The following CADM2 variants were observed in gnomAD, a reference collection of about 807,000 sequenced individuals.
CADM2 encodes cell adhesion molecule 2.
A neutral mutation model predicts 49.8 loss-of-function variants in CADM2; 12 were observed. The ratio of observed to expected loss-of-function variants is 0.24; its 90% CI spans 0.15 to 0.39. CADM2 has a LOEUF of 0.39. Ranked by LOEUF, CADM2 falls within the 10% of genes least tolerant of loss-of-function variation. CADM2 has a pLI of 1.00. For synonymous variants in CADM2, 214 were observed against 175.4 expected, an observed-to-expected ratio of 1.22 and a Z score of -1.74; for missense variants, 378 against 492.3, an observed-to-expected ratio of 0.77 and a Z score of 2.20.
At chr3:85,754,410 C>T (rs1025373133) in intron 2 of CADM2, among the ~76,000 whole-genome samples, 1 of 152,158 alleles carries the variant, frequency 6.6e-6, no homozygotes, top group Non-Finnish European at 1.5e-5. Context: ...TAGCTACCTA[C>T]TCTAACACTC....
intron 1 of CADM2, among the ~76,000 whole-genome samples, chr3:85,404,125 T>G (rs1317659501): frequency 6.6e-6 from 1 of 152,146 alleles, no homozygotes; most frequent in African/African-American, 2.4e-5. Flanking sequence ...TAGTTTTAAA[T>G]TATTTTATTT....
At chr3:85,679,559 T>C (rs762539628) in intron 1 of CADM2, among the ~76,000 whole-genome samples, 1 of 152,204 alleles carries the variant, frequency 6.6e-6, no homozygotes, top group Non-Finnish European at 1.5e-5. Context: ...TAACTTGACT[T>C]GTGCATTTTT....
chr3:85,032,853 G>T (rs551916486), intron 1 of CADM2, among the ~76,000 whole-genome samples: 7 of 152,076 alleles, frequency 4.6e-5, no homozygotes, highest in Non-Finnish European at 7.4e-5. Context: ...CTTCCTTCCT[G>T]CCAATTTAAT....
At chr3:85,381,845 C>G (rs1383232205) in intron 1 of CADM2, among the ~76,000 whole-genome samples, 2 of 151,988 alleles carry the variant, frequency 1.3e-5, no homozygotes, top group Admixed American at 6.6e-5. Flanking sequence ...TTGTCCTGCA[C>G]TCTAGAACTT....
At chr3:85,305,313 G>A (rs1192532728) in intron 1 of CADM2, among the ~76,000 whole-genome samples, 1 of 151,356 alleles carries the variant, frequency 6.6e-6, no homozygotes, top group African/African-American at 2.4e-5. Flanking sequence ...ATTTTTAACT[G>A]GAAGGGAAAA....
chr3:85,872,977 C>T (rs541447207), intron 3 of CADM2, among the ~76,000 whole-genome samples: 4 of 152,076 alleles, frequency 2.6e-5, no homozygotes, highest in Non-Finnish European at 5.9e-5. Context: ...AATTTACAAA[C>T]ACTAGAAATT....
At chr3:85,564,455 A>G (rs1299316142) in intron 1 of CADM2, among the ~76,000 whole-genome samples, 1 of 152,130 alleles carries the variant, frequency 6.6e-6, no homozygotes, top group African/African-American at 2.4e-5. Flanking sequence ...TGAACAACAT[A>G]GCTAACATCC....
intron 1 of CADM2, among the ~76,000 whole-genome samples, chr3:85,515,405 TTTTG>T (rs199690179): frequency 0.017 from 2,241 of 133,238 alleles, 66 homozygotes; most frequent in African/African-American, 0.055. Flanking sequence ...TTCTCTTTTC[TTTTG>T]TTTGTTTGTT....
intron 1 of CADM2, among the ~76,000 whole-genome samples, chr3:85,619,836 A>T (rs977590737): frequency 6.6e-6 from 1 of 152,208 alleles, no homozygotes. Flanking sequence ...GCCAGTGCAT[A>T]ACTTAAAATC....
At chr3:85,274,272 A>G (rs2043308524) in intron 1 of CADM2, among the ~76,000 whole-genome samples, 1 of 151,398 alleles carries the variant, frequency 6.6e-6, no homozygotes, top group Admixed American at 6.6e-5. Context: ...CAGGAGACGC[A>G]TATAAGAAAC....
chr3:85,918,812 C>G (rs1449435070), intron 6 of CADM2, among the ~76,000 whole-genome samples: 1 of 152,016 alleles, frequency 6.6e-6, no homozygotes, highest in East Asian at 1.9e-4. Context: ...TTTGTCCTCC[C>G]ATTTTTGCAC....
At chr3:85,018,019 T>C (rs1443683027) in intron 1 of CADM2, among the ~76,000 whole-genome samples, 6 of 152,142 alleles carry the variant, frequency 3.9e-5, no homozygotes, top group Admixed American at 3.9e-4. Flanking sequence ...TGTCAGAATC[T>C]CTATCAGTTT....
intron 1 of CADM2, among the ~76,000 whole-genome samples, chr3:85,260,988 G>C (rs1403203496): frequency 6.6e-6 from 1 of 151,942 alleles, no homozygotes; most frequent in Non-Finnish European, 1.5e-5. Context: ...GGAAAGAATA[G>C]TTGTGATTTT....
chr3:85,434,822 T>C (rs2036851091), intron 1 of CADM2, among the ~76,000 whole-genome samples: 1 of 152,086 alleles, frequency 6.6e-6, no homozygotes, highest in Non-Finnish European at 1.5e-5. Flanking sequence ...CTCAGGTTAA[T>C]GTGACCCGTT....
At chr3:85,632,895 T>A (rs1029226523) in intron 1 of CADM2, among the ~76,000 whole-genome samples, 1 of 152,108 alleles carries the variant, frequency 6.6e-6, no homozygotes, top group Non-Finnish European at 1.5e-5. Context: ...ATAGAATAGA[T>A]TTTATTCTAT....
chr3:85,045,409 C>T, intron 1 of CADM2, among the ~76,000 whole-genome samples: 1 of 152,058 alleles, frequency 6.6e-6, no homozygotes, highest in East Asian at 1.9e-4. Context: ...ACATTTTCTT[C>T]TTTGTGCTCA....
At chr3:85,496,457 C>G (rs932217034) in intron 1 of CADM2, among the ~76,000 whole-genome samples, 1 of 152,150 alleles carries the variant, frequency 6.6e-6, no homozygotes, top group Non-Finnish European at 1.5e-5. Context: ...TGCGACCTCA[C>G]TTTATTCCAT....
intron 6 of CADM2, among the ~76,000 whole-genome samples, chr3:85,926,919 T>G (rs1719953471): frequency 6.6e-6 from 1 of 152,154 alleles, no homozygotes; most frequent in African/African-American, 2.4e-5. Flanking sequence ...CAATTGCTAG[T>G]GTAGTCTAAA....
intron 1 of CADM2, among the ~76,000 whole-genome samples, chr3:85,724,697 A>C (rs187566802): frequency 6.6e-6 from 1 of 151,860 alleles, no homozygotes; most frequent in Non-Finnish European, 1.5e-5. Context: ...TTAGGTTTTT[A>C]TAAGAACTGC....
Sources: allele counts gnomAD v4.1 joint callset (sites outside exome capture counted in the v4.1 genomes callset), GRCh38; gene constraint gnomAD v4.1.1; transcripts MANE v1.5; gene names NCBI Gene and HGNC (gene_info 2026-07-23, HGNC 2026-07-21).